The following BTBD10 variants were observed in gnomAD, a reference collection of about 807,000 sequenced individuals.
The protein encoded by BTBD10 is BTB domain containing 10.
Under a neutral mutation model 53.2 loss-of-function variants are expected in BTBD10, and 21 were observed. That is an observed-to-expected ratio of 0.39 (90% CI 0.28 to 0.57). The LOEUF (loss-of-function observed/expected upper bound fraction) is 0.57, where lower values mean the gene tolerates loss of function less well. BTBD10 is among the 20% of genes least tolerant of loss of function. The probability of loss-of-function intolerance (pLI) is 0.53; values close to 1 mark genes in which losing one functional copy is unlikely to be tolerated. For missense variants in BTBD10, 360 were observed against 594.7 expected, an observed-to-expected ratio of 0.61 and a Z score of 4.10; for synonymous variants, 149 against 192.7, an observed-to-expected ratio of 0.77 and a Z score of 1.88.
rs560615856 is a variant in BTBD10, at chr11:13,397,195, A to G, written c.1117+5973T>C. Among the ~76,000 whole-genome samples, 3 of 152,304 alleles carry G rather than the reference A, an allele frequency of 2.0e-5. No homozygotes were observed. The South Asian group carries it at 6.2e-4, about 32-fold the overall frequency. On this transcript the variant is annotated intron_variant, in intron 8 of 8. Transcript: ENST00000278174. The stretch of plus-strand genomic sequence containing the variant: ...ATGGACTTTTTTTAGTTGGTAAGCT[A>G]TTAATTATTGCCTCAATTTCAGAGC...
chr11:13,426,756 T>A (rs1264174291), intron 2 of BTBD10, among the ~76,000 whole-genome samples: 1 of 150,152 alleles, frequency 6.7e-6, no homozygotes, highest in Non-Finnish European at 1.5e-5. Context: ...TAAAATAAAA[T>A]CATAAAAAAG....
intron 8 of BTBD10, among the ~76,000 whole-genome samples, chr11:13,398,860 G>A (rs1185542285): frequency 6.6e-6 from 1 of 152,178 alleles, no homozygotes; most frequent in Non-Finnish European, 1.5e-5. Flanking sequence ...TAAGAATGTT[G>A]AATATTGGCC....
At chr11:13,450,774 CA>C in intron 1 of BTBD10, among the ~76,000 whole-genome samples, 1 of 152,264 alleles carries the variant, frequency 6.6e-6, no homozygotes, top group East Asian at 1.9e-4. Flanking sequence ...AAACTTCTCG[CA>C]AACACAGCCA....
At chr11:13,411,387 A>C (rs1949940556) in intron 6 of BTBD10, among the ~76,000 whole-genome samples, 1 of 152,236 alleles carries the variant, frequency 6.6e-6, no homozygotes, top group Non-Finnish European at 1.5e-5. Context: ...TGCAAGAAAA[A>C]AAATTTACTT....
intron 3 of BTBD10, among the ~76,000 whole-genome samples, chr11:13,420,203 T>C (rs1565248065): frequency 6.6e-6 from 1 of 152,132 alleles, no homozygotes; most frequent in South Asian, 2.1e-4. Flanking sequence ...GTACAATCTT[T>C]AGAATCTCAC....
chr11:13,459,421 G>C (rs867358041), intron 1 of BTBD10, among the ~76,000 whole-genome samples: 4 of 152,060 alleles, frequency 2.6e-5, no homozygotes, highest in South Asian at 4.1e-4. Flanking sequence ...GTAAACCCGA[G>C]CAAGATACAC....
chr11:13,414,434 A>C (rs1451087771), intron 5 of BTBD10, among the ~76,000 whole-genome samples: 1 of 152,128 alleles, frequency 6.6e-6, no homozygotes, highest in African/African-American at 2.4e-5. Context: ...TAGACAGATC[A>C]CCTGAGGTCA....
At chr11:13,410,293 T>A (rs78784774) in intron 6 of BTBD10, among the ~76,000 whole-genome samples, 5,181 of 152,162 alleles carry the variant, frequency 0.034, 289 homozygotes, top group African/African-American at 0.12. Flanking sequence ...AGAAAGTAGC[T>A]AACAGTGGAG....
chr11:13,432,644 A>G (rs1950470690), intron 2 of BTBD10, among the ~76,000 whole-genome samples: 1 of 152,136 alleles, frequency 6.6e-6, no homozygotes, highest in Non-Finnish European at 1.5e-5. Flanking sequence ...CAGTAACATA[A>G]AAAATGTATC....
At chr11:13,414,211 A>G (rs565604934) in intron 5 of BTBD10, among the ~76,000 whole-genome samples, 5 of 152,314 alleles carry the variant, frequency 3.3e-5, no homozygotes, top group African/African-American at 1.2e-4. Flanking sequence ...GACAAGCAAT[A>G]TTAATTATTT....
At chr11:13,441,304 T>A (rs1393444487) in intron 2 of BTBD10, among the ~76,000 whole-genome samples, 5 of 152,066 alleles carry the variant, frequency 3.3e-5, no homozygotes, top group Admixed American at 2.0e-4. Context: ...TTACTGAATA[T>A]TCCCAACACA....
At chr11:13,453,810 T>C (rs909092318) in intron 1 of BTBD10, among the ~76,000 whole-genome samples, 10 of 152,120 alleles carry the variant, frequency 6.6e-5, no homozygotes, top group African/African-American at 2.4e-4. Context: ...TCCCAGCACT[T>C]TGGGAGGCCG....
At chr11:13,393,206 G>C (rs1053633823) in intron 8 of BTBD10, among the ~76,000 whole-genome samples, 2 of 152,168 alleles carry the variant, frequency 1.3e-5, no homozygotes, top group South Asian at 4.1e-4. Flanking sequence ...AGGTAGGCCT[G>C]ACTATAGCAA....
intron 1 of BTBD10, chr11:13,462,638 A>G (rs2134076677): frequency 6.6e-6 from 1 of 152,362 alleles, no homozygotes; most frequent in South Asian, 2.1e-4. Flanking sequence ...TAAAATGGTT[A>G]CAACATAAAA....
chr11:13,404,951 A>G (rs1949786119), intron 7 of BTBD10, among the ~76,000 whole-genome samples: 1 of 152,186 alleles, frequency 6.6e-6, no homozygotes, highest in East Asian at 1.9e-4. Flanking sequence ...CAGACTATAT[A>G]GTACAGAAGA....
rs751848050 is a variant in BTBD10, at chr11:13,417,149, AAC to A, written c.687+7_687+8del. ...TATGATTAAGTCAATACTCATAAGA[AAC>A]ACTCACCAGAATCGCTCGAAACACA... On this transcript the variant is annotated splice_region_variant and intron_variant, in intron 5 of 8. Coordinates refer to ENST00000278174, the MANE Select transcript of BTBD10 (RefSeq NM_032320.7). 3 of 1,601,804 alleles carry A rather than the reference AAC, an allele frequency of 1.9e-6. No homozygotes were observed. Among genetic ancestry groups the A allele is most frequent in the Non-Finnish European group, 2.6e-6 (3 of 1,172,228 alleles).
At chr11:13,394,814 T>C (rs998140154) in intron 8 of BTBD10, among the ~76,000 whole-genome samples, 2 of 152,004 alleles carry the variant, frequency 1.3e-5, no homozygotes, top group Admixed American at 6.6e-5. Context: ...GTCCTTGCGA[T>C]AGTTTGCTGA....
chr11:13,432,514 T>C (rs1950467566), intron 2 of BTBD10, among the ~76,000 whole-genome samples: 1 of 152,126 alleles, frequency 6.6e-6, no homozygotes, highest in African/African-American at 2.4e-5. Flanking sequence ...TACGATTTTT[T>C]GTGACATCTT....
intron 7 of BTBD10, 182 bp downstream of exon 7, chr11:13,405,477 A>G (rs1949803892): frequency 1.6e-6 from 1 of 617,542 alleles, no homozygotes; most frequent in East Asian, 2.8e-5. Flanking sequence ...TTCTGTTACA[A>G]CTACTCAACT....
Sources: gnomAD v4.1 joint callset for allele counts (sites outside exome capture counted in the v4.1 genomes callset) on GRCh38, gnomAD v4.1.1 for gene constraint, MANE v1.5 for transcripts, NCBI Gene and HGNC (gene_info 2026-07-23, HGNC 2026-07-21) for gene names.